Variants in IQCH observed in about 807,000 individuals in gnomAD.
IQCH encodes the protein IQ motif containing H.
A neutral mutation model predicts 117.0 loss-of-function variants in IQCH; 98 were observed. That is an observed-to-expected ratio of 0.84 (90% CI 0.71 to 0.99). The LOEUF is 0.99. Among genes scored for constraint, IQCH ranks in the 50% least tolerant of loss-of-function variants. IQCH has a pLI of 0.00. For synonymous variants in IQCH, 412 were observed against 448.2 expected (o/e 0.92, Z 1.02); for missense variants, 1,102 against 1,243.8 (o/e 0.89, Z 1.72).
chr15:67,473,625 C>A lies in IQCH; in HGVS notation c.2677-2071C>A, dbSNP rs1211095387. 6.6e-6 allele frequency among the ~76,000 whole-genome samples: 1 copy of A among 152,200 alleles called. No individual in the cohort carries two copies. Among genetic ancestry groups the A allele is most frequent in the Non-Finnish European group, 1.5e-5 (1 of 68,034 alleles). ...CTAATCTATTTCATGTATTCATTCT[C>A]TTTTATTTAATAAACACCAAGTGCC... is the stretch of plus-strand genomic sequence containing the variant. On this transcript the variant is annotated intron_variant, in intron 17 of 20. Transcript: ENST00000335894. The surrounding 1 kb of genome is among the most constrained non-coding windows in gnomAD (Gnocchi z 4.9).
intron 6 of IQCH, among the ~76,000 whole-genome samples, chr15:67,347,032 T>A (rs1433865387): frequency 6.6e-6 from 1 of 152,000 alleles, no homozygotes; most frequent in Non-Finnish European, 1.5e-5. Flanking sequence ...AAAGTAGTGC[T>A]TAAGAAAAAT....
intron 8 of IQCH, among the ~76,000 whole-genome samples, chr15:67,368,251 A>G (rs781468607): frequency 1.4e-4 from 21 of 152,224 alleles, no homozygotes; most frequent in Non-Finnish European, 2.6e-4. Flanking sequence ...GTGACCTTCA[A>G]GTTCCCTTGT....
chr15:67,339,621 A>T (rs1361101952), intron 5 of IQCH, among the ~76,000 whole-genome samples: 1 of 152,192 alleles, frequency 6.6e-6, no homozygotes, highest in Non-Finnish European at 1.5e-5. Flanking sequence ...TTCACTGGAG[A>T]CTTCAGGACT....
In IQCH at chr15:67,393,589, C is replaced by T. The variant is rs572381761; in HGVS notation, c.1633-1702C>T. ...AGGCTGGAGTGCAGTGGCATGATCTCGGTTCACTGCAGCCTTGACCTCCCT... is the reference window on the plus strand; with the variant it reads ...AGGCTGGAGTGCAGTGGCATGATCTTGGTTCACTGCAGCCTTGACCTCCCT... On this transcript the variant is annotated intron_variant, in intron 12 of 20. Coordinates refer to ENST00000335894, the MANE Select transcript of IQCH (RefSeq NM_001031715.3). The surrounding 1 kb of genome is among the most constrained non-coding windows in gnomAD (Gnocchi z 5.5). Among the ~76,000 whole-genome samples, 2 of 152,036 alleles carry T rather than the reference C, an allele frequency of 1.3e-5. No homozygotes were observed. The highest frequency in any genetic ancestry group is 2.4e-5 in the African/African-American group (1 of 41,374).
rs1036879278 is a variant in IQCH, at chr15:67,443,032, G to A, written c.2505+21455G>A. 8.0e-5 allele frequency among the ~76,000 whole-genome samples: 12 copies of A among 150,252 alleles called. No individual in the cohort carries two copies. Among genetic ancestry groups the A allele is most frequent in the East Asian group, 2.0e-4 (1 of 5,128 alleles). On this transcript the variant is annotated intron_variant, in intron 16 of 20. Coordinates refer to ENST00000335894, the MANE Select transcript of IQCH (RefSeq NM_001031715.3). This position sits in a 1 kb window ranked among gnomAD's most constrained non-coding sequence, Gnocchi z 5.0. ...TTTTGAGATGGAGTCTTGCTGTTTC[G>A]CCCAGTCCAGAGTGCAGTGGTGCGA... is the stretch of plus-strand genomic sequence containing the variant.
intron 4 of IQCH, among the ~76,000 whole-genome samples, chr15:67,288,717 T>C (rs1168174248): frequency 6.6e-6 from 1 of 152,158 alleles, no homozygotes; most frequent in Non-Finnish European, 1.5e-5. Context: ...TGTCTTTTGA[T>C]TGGAGAGTTT....
rs971817906 is a variant in IQCH, at chr15:67,359,331, A to G, written c.715-516A>G. Among the ~76,000 whole-genome samples the G allele has an allele frequency of 1.4e-4, 22 of 152,190 alleles. No individual in the cohort carries two copies. Among genetic ancestry groups the G allele is most frequent in the Admixed American group, 5.2e-4 (8 of 15,278 alleles). On this transcript the variant is annotated intron_variant, in intron 7 of 20. Coordinates refer to ENST00000335894, the MANE Select transcript of IQCH (RefSeq NM_001031715.3). The surrounding 1 kb of genome is among the most constrained non-coding windows in gnomAD (Gnocchi z 4.5). Reference sequence around the variant, plus strand: ...TGTTGACTTCACAAAGCTCTCCCCAACTGCTGGAAACAGTAATATTTAATG... The same window carrying G: ...TGTTGACTTCACAAAGCTCTCCCCAGCTGCTGGAAACAGTAATATTTAATG...
chr15:67,283,118 T>A lies in IQCH; in HGVS notation c.387+3606T>A, dbSNP rs555968894. ...CATTTTTGCTTATTAAAATACTAAT[T>A]TTTAATTTTTTCCTCCAAATTTATC... On this transcript the variant is annotated intron_variant, in intron 4 of 20. Coordinates refer to ENST00000335894, the MANE Select transcript of IQCH (RefSeq NM_001031715.3). 5.9e-5 allele frequency among the ~76,000 whole-genome samples: 9 copies of A among 152,304 alleles called. No homozygotes were observed. In the East Asian group the frequency reaches 1.5e-3, roughly 26 times the overall value.
chr15:67,419,584 C>T (rs555880525), intron 15 of IQCH, among the ~76,000 whole-genome samples: 5 of 152,264 alleles, frequency 3.3e-5, no homozygotes, highest in South Asian at 2.1e-4. Context: ...GATAGGGTCT[C>T]GCTCTATCAC....
At chr15:67,330,104 C>T (rs567203779) in intron 4 of IQCH, among the ~76,000 whole-genome samples, 98 of 152,182 alleles carry the variant, frequency 6.4e-4, no homozygotes, top group African/African-American at 2.3e-3. Flanking sequence ...GTCTTTATTT[C>T]AGTCAGTAGA....
chr15:67,399,917 A>AT (rs966864426), intron 13 of IQCH, among the ~76,000 whole-genome samples, 197 bp from the exon 14 acceptor site: 3 of 152,242 alleles, frequency 2.0e-5, no homozygotes, highest in Non-Finnish European at 4.4e-5. Flanking sequence ...CTTTGGTCTC[A>AT]TTGGTTAATG....
chr15:67,392,692 G>A (rs1567150775), intron 12 of IQCH, among the ~76,000 whole-genome samples: 1 of 148,956 alleles, frequency 6.7e-6, no homozygotes, highest in South Asian at 2.1e-4. Flanking sequence ...TGGGAGGATC[G>A]CTTGAGCTTG....
At chr15:67,301,346 T>A (rs1967018940) in intron 4 of IQCH, among the ~76,000 whole-genome samples, 1 of 151,822 alleles carries the variant, frequency 6.6e-6, no homozygotes. Context: ...GTAAGACAAA[T>A]TTAGGTTTTG....
intron 6 of IQCH, among the ~76,000 whole-genome samples, chr15:67,351,120 C>G (rs1969641303): frequency 6.6e-6 from 1 of 152,118 alleles, no homozygotes; most frequent in Non-Finnish European, 1.5e-5. Context: ...ATGTGCTGAA[C>G]GTGCAGGTTT....
chr15:67,349,724 A>G (rs1969570397), intron 6 of IQCH, among the ~76,000 whole-genome samples: 1 of 152,228 alleles, frequency 6.6e-6, no homozygotes, highest in Non-Finnish European at 1.5e-5. Flanking sequence ...ACTCAGTGAT[A>G]AGAAACAAAC....
intron 14 of IQCH, among the ~76,000 whole-genome samples, chr15:67,415,461 G>A (rs547249667): frequency 6.6e-6 from 1 of 152,214 alleles, no homozygotes; most frequent in South Asian, 2.1e-4. Context: ...GATAACTAAT[G>A]AAACTCTCCC....
In IQCH at chr15:67,432,429, C is replaced by A. The variant is rs1312844674; in HGVS notation, c.2505+10852C>A. ...AATGGCAATGGGTTCTGGCCCCAGT[C>A]TTTCCACTAACTAGTGTGATACTGT... On this transcript the variant is annotated intron_variant, in intron 16 of 20. Transcript: ENST00000335894. This position sits in a 1 kb window ranked among gnomAD's most constrained non-coding sequence, Gnocchi z 5.0. Among the ~76,000 whole-genome samples, 2 of 152,194 alleles carry A rather than the reference C, an allele frequency of 1.3e-5. No homozygotes were observed. The highest frequency in any genetic ancestry group is 1.3e-4 in the Admixed American group (2 of 15,274).
chr15:67,256,646 T>G (rs1393795161), intron 1 of IQCH, among the ~76,000 whole-genome samples: 3 of 152,204 alleles, frequency 2.0e-5, no homozygotes, highest in Non-Finnish European at 4.4e-5. Flanking sequence ...CCCACTCTTT[T>G]TATAGATTCC....
chr15:67,429,100 A>G (rs987104997), intron 16 of IQCH, among the ~76,000 whole-genome samples: 1 of 152,226 alleles, frequency 6.6e-6, no homozygotes, highest in Non-Finnish European at 1.5e-5. Context: ...ACAGAGCTGA[A>G]AAATAATAAA....
Sources: gnomAD v4.1 joint callset for allele counts (sites outside exome capture counted in the v4.1 genomes callset) on GRCh38, gnomAD v4.1.1 for gene constraint, Gnocchi (gnomAD v3.1) non-coding constraint, MANE v1.5 for transcripts, NCBI Gene and HGNC (gene_info 2026-07-23, HGNC 2026-07-21) for gene names.